The following RABEP2 variants were observed in gnomAD, a reference collection of about 807,000 sequenced individuals.
RABEP2 encodes the protein rab GTPase-binding effector protein 2.
In RABEP2, 57 loss-of-function variants were observed where a neutral mutation model predicts 74.1. The ratio of observed to expected loss-of-function variants is 0.77; its 90% CI spans 0.62 to 0.96. The LOEUF is 0.96. Ranked by LOEUF, RABEP2 falls within the 40% of genes least tolerant of loss-of-function variation. The pLI is 0.00. For missense variants in RABEP2, 692 were observed against 756.3 expected (o/e 0.91, Z 1.00); for synonymous variants, 351 against 344.0 (o/e 1.02, Z -0.23).
chr16:28,906,762 C>G (rs1217310875), intron 8 of RABEP2, among the ~76,000 whole-genome samples: 2 of 151,958 alleles, frequency 1.3e-5, no homozygotes, highest in African/African-American at 4.8e-5. Flanking sequence ...AAGACTCCAT[C>G]TCAAACAGAA....
chr16:28,922,596 G>A (rs1038770324), intron 2 of RABEP2, among the ~76,000 whole-genome samples: 2 of 152,022 alleles, frequency 1.3e-5, no homozygotes, highest in African/African-American at 4.8e-5. Flanking sequence ...GTGGTGGCGA[G>A]CACCTGTAGT....
intron 5 of RABEP2, among the ~76,000 whole-genome samples, chr16:28,912,168 C>T (rs1964322479): frequency 7.4e-6 from 1 of 134,242 alleles, no homozygotes; most frequent in Non-Finnish European, 1.6e-5. Flanking sequence ...ATGGCATGAA[C>T]CCGGTAGGTG....
In RABEP2 at chr16:28,904,643, C is replaced by A. The variant is rs1964193009; in HGVS notation, c.*300G>T. The A allele has an allele frequency of 2.4e-6, 2 of 842,416 alleles. No individual in the cohort carries two copies. The highest frequency in any genetic ancestry group is 6.3e-5 in the Admixed American group (2 of 31,666). The allele number at this position is 842,416 out of a possible 1,614,324, so 52.2% of individuals were successfully genotyped here. ...CCCTGGGCAGGGGACGGGCTGGGGGCAGGGGAGGGCTGGAGCCCAGGAGGC... is the reference window on the plus strand; with the variant it reads ...CCCTGGGCAGGGGACGGGCTGGGGGAAGGGGAGGGCTGGAGCCCAGGAGGC... On this transcript the variant is annotated 3_prime_UTR_variant, in exon 13 of 13. Coordinates refer to ENST00000358201, the MANE Select transcript of RABEP2 (RefSeq NM_024816.3).
intron 5 of RABEP2, among the ~76,000 whole-genome samples, chr16:28,912,087 A>T (rs537106904): frequency 1.6e-4 from 24 of 151,720 alleles, no homozygotes; most frequent in Non-Finnish European, 3.2e-4. Context: ...TCTACTATAA[A>T]CACAAAAAAT....
At chr16:28,905,952 G>A (rs1294914928) in intron 9 of RABEP2, 67 bp downstream of exon 9, 19 of 1,612,422 alleles carry the variant, frequency 1.2e-5, no homozygotes, top group Middle Eastern at 1.6e-4. Context: ...CCTGGGCCCC[G>A]GTGGCTCCCT....
At chr16:28,918,225 G>A (rs1408922108) in intron 3 of RABEP2, among the ~76,000 whole-genome samples, 2 of 151,824 alleles carry the variant, frequency 1.3e-5, no homozygotes, top group South Asian at 2.1e-4. Context: ...GACTACAGGC[G>A]CCCGCCACCG....
chr16:28,912,406 C>CTTTTTTT (rs58094012), intron 5 of RABEP2, among the ~76,000 whole-genome samples: 1 of 118,150 alleles, frequency 8.5e-6, no homozygotes, highest in African/African-American at 3.6e-5. Context: ...TTCTTTCTTT[C>CTTTTTTT]TTTTTTTTTT....
intron 3 of RABEP2, among the ~76,000 whole-genome samples, chr16:28,917,267 C>G (rs1289277569): frequency 6.6e-6 from 1 of 152,182 alleles, no homozygotes; most frequent in East Asian, 1.9e-4. Flanking sequence ...GCCACAAACA[C>G]TCAGTCAGTG....
chr16:28,914,665 C>A lies in RABEP2; in HGVS notation c.543+7G>T. 2 of 1,613,848 alleles carry A rather than the reference C, an allele frequency of 1.2e-6. No individual in the cohort carries two copies. Among genetic ancestry groups the A allele is most frequent in the Non-Finnish European group, 1.7e-6 (2 of 1,179,788 alleles). On this transcript the variant is annotated splice_region_variant and intron_variant, in intron 4 of 12. Transcript: ENST00000358201. ...CCTTCCCCAGCGCCCCCTGGCCGTG[C>A]CCTCACCTGGATCTCCTGAATCAGC...
chr16:28,907,594 C>A (rs1964252704), intron 8 of RABEP2, among the ~76,000 whole-genome samples: 3 of 151,300 alleles, frequency 2.0e-5, no homozygotes, highest in Admixed American at 1.3e-4. Flanking sequence ...CCACTGTGCC[C>A]AGCCACCAAG....
Position 28,919,717 on chromosome 16 carries a change from A to G in RABEP2, c.432+69T>C, listed in dbSNP as rs1964443320. 7 of 1,504,896 alleles carry G rather than the reference A, an allele frequency of 4.7e-6. No homozygotes were observed. In the Admixed American group the frequency reaches 5.7e-5, roughly 12 times the overall value. The allele number at this position is 1,504,896 out of a possible 1,614,324, so 93.2% of individuals were successfully genotyped here. On this transcript the variant is annotated intron_variant, in intron 3 of 12. Transcript: ENST00000358201. ...GTGCCCCGCACCCCATGACCAGGGA[A>G]TGGGACATCCACAGTCCTCAACATT...
At chr16:28,909,528 C>A (rs1192531267) in intron 7 of RABEP2, among the ~76,000 whole-genome samples, 1 of 151,952 alleles carries the variant, frequency 6.6e-6, no homozygotes, top group Non-Finnish European at 1.5e-5. Context: ...GCCTGGGCAA[C>A]ATAGTGAGAC....
chr16:28,913,631 G>A (rs1484387957), intron 5 of RABEP2, among the ~76,000 whole-genome samples: 1 of 151,512 alleles, frequency 6.6e-6, no homozygotes, highest in Non-Finnish European at 1.5e-5. Context: ...ACGGGCATGC[G>A]CCACCACGCC....
intron 7 of RABEP2, 105 bp downstream of exon 7, chr16:28,910,783 G>C (rs1964300153): frequency 1.0e-6 from 1 of 990,864 alleles, no homozygotes; most frequent in African/African-American, 1.6e-5. Context: ...TGAGCAGCTG[G>C]GGACAGGACA....
intron 9 of RABEP2, 58 bp from the exon 10 acceptor site, chr16:28,905,936 C>T: frequency 2.5e-6 from 4 of 1,613,054 alleles, no homozygotes; most frequent in East Asian, 4.5e-5. Flanking sequence ...CCCGCTGCTG[C>T]CCACGCCTGG....
At chr16:28,910,515 T>TAA (rs1427591901) in intron 7 of RABEP2, 1 of 164,560 alleles carries the variant, frequency 6.1e-6, no homozygotes, top group East Asian at 1.8e-4. Flanking sequence ...CCTCAGGTGA[T>TAA]CCAACCGCCT....
rs752008865 is a variant in RABEP2 at position 28,906,130 on chromosome 16, C to T, written c.1312G>A (p.Gly438Arg). Reference protein sequence around the residue: ...ARARLQAQEHGAERLRIEIVT... With the variant: ...ARARLQAQEHRAERLRIEIVT... ...ATCTCGATCCGCAGGCGCTCGGCCC[C>T]GTGCTCCTGGGCCTGCAGCCGGGCC... The change falls in exon 9 of 13, where the codon GGG becomes AGG. Residue 438 changes from glycine to arginine, a missense_variant. Transcript: ENST00000358201. 28 of 1,580,156 alleles carry T rather than the reference C, an allele frequency of 1.8e-5. No individual in the cohort carries two copies. The highest frequency in any genetic ancestry group is 4.7e-5 in the East Asian group (2 of 42,908).
chr16:28,905,698 C>G lies in RABEP2; in HGVS notation c.1491+6G>C, dbSNP rs376677316. 6 of 1,613,648 alleles carry G rather than the reference C, an allele frequency of 3.7e-6. No homozygotes were observed. Among genetic ancestry groups the G allele is most frequent in the Middle Eastern group, 1.6e-4 (1 of 6,078 alleles). ...CTCCTCCCAGTCCCCCTGCCCTCCC[C>G]CTCACCTTGCTCTGTTCCTGCTGCA... On this transcript the variant is annotated splice_donor_region_variant and intron_variant, in intron 11 of 12. Coordinates refer to ENST00000358201, the MANE Select transcript of RABEP2 (RefSeq NM_024816.3).
intron 8 of RABEP2, among the ~76,000 whole-genome samples, chr16:28,906,490 C>A (rs1012808572): frequency 6.6e-6 from 1 of 152,152 alleles, no homozygotes; most frequent in Non-Finnish European, 1.5e-5. Context: ...CCTTGCCGGG[C>A]GCGGTGGCTC....
Sources: gnomAD v4.1 joint callset for allele counts (sites outside exome capture counted in the v4.1 genomes callset) on GRCh38, gnomAD v4.1.1 for gene constraint, MANE v1.5 for transcripts, NCBI Gene and HGNC (gene_info 2026-07-23, HGNC 2026-07-21) for gene names.